The following NTF3 variants were observed in gnomAD, a reference collection of about 807,000 sequenced individuals.
NTF3 encodes the protein neurotrophin-3.
In NTF3, 8 loss-of-function variants were observed where a neutral mutation model predicts 26.3. The observed-to-expected ratio is 0.30, with a 90% confidence interval of 0.18 to 0.55. The LOEUF (loss-of-function observed/expected upper bound fraction) is 0.55. Ranked by LOEUF, NTF3 falls within the 20% of genes least tolerant of loss-of-function variation. The probability of loss-of-function intolerance (pLI) is 0.93; values close to 1 mark genes in which losing one functional copy is unlikely to be tolerated. For synonymous variants in NTF3, 154 were observed against 145.5 expected (o/e 1.06, Z -0.42); for missense variants, 276 against 352.9 (o/e 0.78, Z 1.75).
chr12:5,453,544 A>G (rs1241463925), intron 1 of NTF3, among the ~76,000 whole-genome samples: 2 of 152,158 alleles, frequency 1.3e-5, no homozygotes, highest in African/African-American at 2.4e-5. Flanking sequence ...AGTTGGCTTT[A>G]TCTGTGCGCT....
intron 1 of NTF3, among the ~76,000 whole-genome samples, chr12:5,446,931 G>A (rs933439159): frequency 1.3e-5 from 2 of 152,300 alleles, no homozygotes; most frequent in Non-Finnish European, 2.9e-5. Flanking sequence ...GCCGAAGAGA[G>A]CAGGCCAGGT....
chr12:5,462,327 G>T (rs1431989799), intron 1 of NTF3, among the ~76,000 whole-genome samples: 1 of 152,136 alleles, frequency 6.6e-6, no homozygotes, highest in Non-Finnish European at 1.5e-5. Flanking sequence ...AGAACATTAG[G>T]ATTAGAGTCA....
intron 1 of NTF3, among the ~76,000 whole-genome samples, chr12:5,485,676 T>G (rs1358445102): frequency 6.6e-6 from 1 of 152,224 alleles, no homozygotes; most frequent in Non-Finnish European, 1.5e-5. Flanking sequence ...AAAATTGCTT[T>G]CAGAGGACAA....
intron 1 of NTF3, among the ~76,000 whole-genome samples, chr12:5,458,075 T>A (rs1940475515): frequency 6.6e-6 from 1 of 152,154 alleles, no homozygotes; most frequent in Admixed American, 6.5e-5. Flanking sequence ...GTCCTTGTTT[T>A]TTCAACACTG....
At chr12:5,465,496 G>C (rs2121198766) in intron 1 of NTF3, among the ~76,000 whole-genome samples, 1 of 152,338 alleles carries the variant, frequency 6.6e-6, no homozygotes, top group East Asian at 1.9e-4. Flanking sequence ...TCAAAGGTAG[G>C]ACTTTCCTAA....
chr12:5,490,382 A>G (rs536963715), intron 1 of NTF3, among the ~76,000 whole-genome samples: 2 of 152,362 alleles, frequency 1.3e-5, no homozygotes, highest in South Asian at 4.1e-4. Flanking sequence ...CCCTGTCGTC[A>G]AAGAGAAGGC....
intron 1 of NTF3, among the ~76,000 whole-genome samples, chr12:5,480,078 C>T (rs944018995): frequency 2.6e-5 from 4 of 152,204 alleles, no homozygotes; most frequent in Non-Finnish European, 4.4e-5. Flanking sequence ...TTCAGCTCTT[C>T]CAGTGCAGCC....
At chr12:5,466,515 A>G (rs1940591227) in intron 1 of NTF3, among the ~76,000 whole-genome samples, 1 of 152,160 alleles carries the variant, frequency 6.6e-6, no homozygotes, top group Admixed American at 6.5e-5. Flanking sequence ...TTTGATCCAG[A>G]CTTTCCTAGC....
At position 5,474,671 on chromosome 12, in the gene NTF3, G is replaced by A. The variant is rs373914176; in HGVS notation, c.19-19523G>A. ...GAATGACCCAATTCCATTCCAGTGC[G>A]GGGAAGAAATGATAGGGAAGGCTGG... On this transcript the variant is annotated intron_variant, in intron 1 of 1. Transcript: ENST00000423158. 7.9e-4 allele frequency among the ~76,000 whole-genome samples: 121 copies of A among 152,296 alleles called. 2 individuals carry two copies. The South Asian group carries it at 0.011, about 14-fold the overall frequency.
chr12:5,483,313 C>T (rs547761757), intron 1 of NTF3, among the ~76,000 whole-genome samples: 1 of 152,294 alleles, frequency 6.6e-6, no homozygotes, highest in South Asian at 2.1e-4. Flanking sequence ...ACCCGTGGGG[C>T]TTGCAGACCC....
intron 1 of NTF3, among the ~76,000 whole-genome samples, chr12:5,436,212 C>T (rs948937700): frequency 2.0e-5 from 3 of 152,072 alleles, no homozygotes; most frequent in South Asian, 2.1e-4. Flanking sequence ...TTCTGACCAC[C>T]GTTGGGCATA....
chr12:5,452,558 C>T (rs764595635), intron 1 of NTF3, among the ~76,000 whole-genome samples: 8 of 152,196 alleles, frequency 5.3e-5, no homozygotes, highest in Non-Finnish European at 7.3e-5. Context: ...ATACACATAT[C>T]TGGCTATTCT....
Position 5,466,787 on chromosome 12 carries a change from C to T in NTF3, c.19-27407C>T, listed in dbSNP as rs780943571. ...AAGAAATGCTGTAGGCTGGGTTTCC[C>T]GGGGAGGGGGGACTGACAGCCATCT... On this transcript the variant is annotated intron_variant, in intron 1 of 1. Coordinates refer to ENST00000423158, the MANE Select transcript of NTF3 (RefSeq NM_001102654.2). Among the ~76,000 whole-genome samples, 23 of 152,134 alleles carry T rather than the reference C, an allele frequency of 1.5e-4. 1 individual carries two copies. Among genetic ancestry groups the T allele is most frequent in the African/African-American group, 2.4e-4 (10 of 41,404 alleles).
At chr12:5,493,830 G>A (rs1450182927) in intron 1 of NTF3, among the ~76,000 whole-genome samples, 2 of 152,198 alleles carry the variant, frequency 1.3e-5, no homozygotes, top group African/African-American at 4.8e-5. Context: ...CAGGTTTGAA[G>A]TTTTCATGCT....
intron 1 of NTF3, among the ~76,000 whole-genome samples, chr12:5,482,107 GACAT>G (rs1178350497): frequency 6.6e-6 from 1 of 151,838 alleles, no homozygotes; most frequent in African/African-American, 2.4e-5. Context: ...CATACATAGA[GACAT>G]ACAATGCACA....
chr12:5,460,345 C>T (rs1403749705), intron 1 of NTF3, among the ~76,000 whole-genome samples: 1 of 152,188 alleles, frequency 6.6e-6, no homozygotes, highest in African/African-American at 2.4e-5. Context: ...ACCTGCCCAT[C>T]CCTCCTCCCT....
intron 1 of NTF3, among the ~76,000 whole-genome samples, chr12:5,453,920 G>A (rs1196566994): frequency 1.3e-5 from 2 of 152,214 alleles, no homozygotes; most frequent in Non-Finnish European, 2.9e-5. Flanking sequence ...TTTGGCTTGT[G>A]CTCTGTGGCA....
intron 1 of NTF3, among the ~76,000 whole-genome samples, chr12:5,481,695 AAGC>A (rs1230303172): frequency 7.7e-6 from 1 of 130,702 alleles, no homozygotes; most frequent in Non-Finnish European, 1.6e-5. Context: ...TACACCACAC[AAGC>A]AGAATAACAC....
Position 5,482,436 on chromosome 12 carries a change from G to A in NTF3, c.19-11758G>A, listed in dbSNP as rs118122606. 3.0e-3 allele frequency among the ~76,000 whole-genome samples: 464 copies of A among 152,290 alleles called. 1 individual carries two copies. Among genetic ancestry groups the A allele is most frequent in the Middle Eastern group, 0.02 (6 of 294 alleles). On this transcript the variant is annotated intron_variant, in intron 1 of 1. Coordinates refer to ENST00000423158, the MANE Select transcript of NTF3 (RefSeq NM_001102654.2). Reference sequence around the variant, plus strand: ...GCCACCTGCTGCATTGATAGCACCCGCATGTTCACTTCCCTGGCAGTAGAA... The same window carrying A: ...GCCACCTGCTGCATTGATAGCACCCACATGTTCACTTCCCTGGCAGTAGAA...
Sources: allele counts gnomAD v4.1 joint callset (sites outside exome capture counted in the v4.1 genomes callset), GRCh38; gene constraint gnomAD v4.1.1; transcripts MANE v1.5; gene names NCBI Gene and HGNC (gene_info 2026-07-23, HGNC 2026-07-21).